Variants in FAF1 observed in about 807,000 individuals in gnomAD.
FAF1 encodes the protein FAS-associated factor 1.
FAF1 carries 25 observed loss-of-function variants against 92.5 expected under a neutral mutation model. That is an observed-to-expected ratio of 0.27 (90% confidence interval 0.20 to 0.38). FAF1 has a LOEUF of 0.38. Ranked by LOEUF, FAF1 falls within the 10% of genes least tolerant of loss-of-function variation. The probability of loss-of-function intolerance (pLI) is 1.00; values close to 1 mark genes in which losing one functional copy is unlikely to be tolerated. For missense variants in FAF1, 636 were observed against 793.3 expected (o/e 0.80, Z 2.38); for synonymous variants, 234 against 273.2 (o/e 0.86, Z 1.42).
chr1:50,452,196 G>A, intron 18 of FAF1: 1 of 1,307,400 alleles, frequency 7.6e-7, no homozygotes, highest in Non-Finnish European at 1.0e-6. Flanking sequence ...CCTGGAATCT[G>A]GAAGACATAA....
At chr1:50,897,041 C>T (rs1644762929) in intron 1 of FAF1, among the ~76,000 whole-genome samples, 1 of 152,056 alleles carries the variant, frequency 6.6e-6, no homozygotes, top group Non-Finnish European at 1.5e-5. Flanking sequence ...CAACACATTT[C>T]AACACAACAC....
intron 1 of FAF1, among the ~76,000 whole-genome samples, chr1:50,915,791 A>C (rs1238841608): frequency 6.6e-6 from 1 of 152,212 alleles, no homozygotes; most frequent in Non-Finnish European, 1.5e-5. Flanking sequence ...CCATAGGAGG[A>C]TAAGAGTGAA....
At chr1:50,595,617 A>G (rs1651761886) in intron 9 of FAF1, among the ~76,000 whole-genome samples, 1 of 152,110 alleles carries the variant, frequency 6.6e-6, no homozygotes. Context: ...ATCTCGGCTC[A>G]CTGCAACCTC....
chr1:50,816,569 T>A (rs1373091038), intron 2 of FAF1, among the ~76,000 whole-genome samples: 2 of 152,168 alleles, frequency 1.3e-5, no homozygotes, highest in African/African-American at 4.8e-5. Context: ...CCTTTGTAAA[T>A]CCTGGATATT....
At chr1:50,643,327 T>C (rs1654434039) in intron 8 of FAF1, among the ~76,000 whole-genome samples, 7 of 152,138 alleles carry the variant, frequency 4.6e-5, no homozygotes. Flanking sequence ...TACACTTCCA[T>C]TCTGGTTTTT....
At chr1:50,749,428 C>T (rs1659757808) in intron 4 of FAF1, among the ~76,000 whole-genome samples, 1 of 152,104 alleles carries the variant, frequency 6.6e-6, no homozygotes, top group Non-Finnish European at 1.5e-5. Flanking sequence ...GCCTTTTGTT[C>T]CACAGAAAGA....
chr1:50,699,772 G>A (rs1190783641), intron 7 of FAF1, among the ~76,000 whole-genome samples: 1 of 151,724 alleles, frequency 6.6e-6, no homozygotes, highest in African/African-American at 2.4e-5. Flanking sequence ...AAACTGTCAG[G>A]GTGCTTCAAA....
chr1:50,536,506 T>C (rs971955592), intron 14 of FAF1, among the ~76,000 whole-genome samples: 2 of 152,322 alleles, frequency 1.3e-5, no homozygotes, highest in South Asian at 4.1e-4. Flanking sequence ...TTGACTAACA[T>C]GATCTTTCAG....
At chr1:50,670,790 T>C (rs955205782) in intron 7 of FAF1, among the ~76,000 whole-genome samples, 6 of 151,406 alleles carry the variant, frequency 4.0e-5, no homozygotes, top group Admixed American at 1.3e-4. Context: ...ATTAGCCAGG[T>C]GTGGTGATGC....
intron 1 of FAF1, among the ~76,000 whole-genome samples, chr1:50,904,269 C>A (rs541021684): frequency 1.3e-5 from 2 of 152,192 alleles, no homozygotes; most frequent in Non-Finnish European, 2.9e-5. Context: ...CACAAAGGGA[C>A]AAATACTGTA....
At chr1:50,876,296 G>A (rs1310124097) in intron 1 of FAF1, among the ~76,000 whole-genome samples, 1 of 152,054 alleles carries the variant, frequency 6.6e-6, no homozygotes, top group Non-Finnish European at 1.5e-5. Context: ...AGTAAAAGTA[G>A]GTCAAATCAA....
chr1:50,465,098 T>C (rs750983193), intron 18 of FAF1, among the ~76,000 whole-genome samples: 1 of 152,132 alleles, frequency 6.6e-6, no homozygotes, highest in African/African-American at 2.4e-5. Context: ...AACAGTGAGA[T>C]ATAACAGAAA....
chr1:50,748,252 T>C (rs556811487), intron 4 of FAF1, among the ~76,000 whole-genome samples: 3 of 152,226 alleles, frequency 2.0e-5, no homozygotes, highest in South Asian at 4.1e-4. Flanking sequence ...TCCCAGCACT[T>C]TGGGAGGCCA....
intron 2 of FAF1, among the ~76,000 whole-genome samples, chr1:50,828,591 G>T (rs1040929414): frequency 2.6e-5 from 4 of 152,102 alleles, no homozygotes; most frequent in African/African-American, 9.7e-5. Context: ...TTCAATAAAT[G>T]ATGGTTAAAT....
At position 50,571,469 on chromosome 1, in the gene FAF1, G is replaced by C. The variant is rs1223321626; in HGVS notation, c.1114-4238C>G. On this transcript the variant is annotated intron_variant, in intron 12 of 18. Coordinates refer to ENST00000396153, the MANE Select transcript of FAF1 (RefSeq NM_007051.3). ...ACCTATTTACAAGGCCTGGCCCATA[G>C]TAGGTGCTGAATGAAAGGTAGCTGT... Among the ~76,000 whole-genome samples the C allele has an allele frequency of 5.3e-5, 8 of 152,224 alleles. No individual in the cohort carries two copies. The East Asian group carries it at 1.5e-3, about 29-fold the overall frequency.
chr1:50,629,890 C>G (rs978283042), intron 8 of FAF1, among the ~76,000 whole-genome samples: 3 of 152,084 alleles, frequency 2.0e-5, no homozygotes, highest in Admixed American at 1.3e-4. Context: ...GAAACCCCAT[C>G]TCTACTAAAA....
intron 4 of FAF1, among the ~76,000 whole-genome samples, chr1:50,777,206 G>A (rs1161970814): frequency 6.6e-6 from 1 of 151,744 alleles, no homozygotes; most frequent in Non-Finnish European, 1.5e-5. Flanking sequence ...GAGGCCAGGA[G>A]TTCAAGAACA....
chr1:50,657,760 G>A (rs1471477766), intron 7 of FAF1, among the ~76,000 whole-genome samples: 1 of 152,106 alleles, frequency 6.6e-6, no homozygotes, highest in African/African-American at 2.4e-5. Flanking sequence ...CTACGGAAAG[G>A]AGAAACAAAA....
At chr1:50,482,931 T>G (rs1646720027) in intron 17 of FAF1, among the ~76,000 whole-genome samples, 1 of 152,178 alleles carries the variant, frequency 6.6e-6, no homozygotes, top group South Asian at 2.1e-4. Flanking sequence ...CTGTGGCTTG[T>G]TTTTTCAATT....
Sources: gnomAD v4.1 joint callset for allele counts (sites outside exome capture counted in the v4.1 genomes callset) on GRCh38, gnomAD v4.1.1 for gene constraint, MANE v1.5 for transcripts, NCBI Gene and HGNC (gene_info 2026-07-23, HGNC 2026-07-21) for gene names.